Variants in PRKG1 observed in about 807,000 individuals in gnomAD.
PRKG1 encodes cGMP-dependent protein kinase 1.
In PRKG1, 35 loss-of-function variants were observed where a neutral mutation model predicts 88.1. The observed-to-expected ratio is 0.40, with a 90% CI of 0.30 to 0.53. PRKG1 has a LOEUF of 0.53. Ranked by LOEUF, PRKG1 falls within the 20% of genes least tolerant of loss-of-function variation. The pLI is 0.59. For synonymous variants in PRKG1, 303 were observed against 292.5 expected (o/e 1.04, Z -0.37); for missense variants, 540 against 839.8 (o/e 0.64, Z 4.41).
At chr10:51,398,328 T>C (rs1463630605) in intron 2 of PRKG1, among the ~76,000 whole-genome samples, 1 of 152,148 alleles carries the variant, frequency 6.6e-6, no homozygotes, top group Non-Finnish European at 1.5e-5. Context: ...GTAGAGTTCG[T>C]GTTCCTGTGA....
At chr10:52,241,461 T>C (rs1840859592) in intron 9 of PRKG1, among the ~76,000 whole-genome samples, 1 of 152,188 alleles carries the variant, frequency 6.6e-6, no homozygotes, top group Admixed American at 6.5e-5. Context: ...TGGGGCTAGC[T>C]TCCTGATAAT....
At chr10:52,267,191 A>G (rs545504921) in intron 10 of PRKG1, among the ~76,000 whole-genome samples, 1 of 152,218 alleles carries the variant, frequency 6.6e-6, no homozygotes, top group South Asian at 2.1e-4. Context: ...TATTTTTATA[A>G]TAAAACCTAG....
intron 2 of PRKG1, among the ~76,000 whole-genome samples, chr10:51,193,812 T>A (rs984012458): frequency 6.6e-6 from 1 of 152,230 alleles, no homozygotes; most frequent in Admixed American, 6.6e-5. Flanking sequence ...CACCCACAAC[T>A]TTTCTCAGCC....
At chr10:51,393,046 C>T (rs1271055654) in intron 2 of PRKG1, among the ~76,000 whole-genome samples, 13 of 145,848 alleles carry the variant, frequency 8.9e-5, no homozygotes, top group Non-Finnish European at 1.8e-4. Flanking sequence ...GGCGGAGGGG[C>T]TCCTCACTTC....
chr10:51,451,788 T>C (rs1839445311), intron 2 of PRKG1, among the ~76,000 whole-genome samples: 1 of 151,906 alleles, frequency 6.6e-6, no homozygotes, highest in Admixed American at 6.6e-5. Flanking sequence ...TTAAAGATAA[T>C]TTGACGTTCT....
At chr10:52,079,256 C>A (rs995099050) in intron 7 of PRKG1, among the ~76,000 whole-genome samples, 8 of 152,122 alleles carry the variant, frequency 5.3e-5, no homozygotes, top group Non-Finnish European at 8.8e-5. Flanking sequence ...CAGATCTTTT[C>A]TTGACCTGTA....
intron 5 of PRKG1, among the ~76,000 whole-genome samples, chr10:51,960,518 CA>C (rs1220489572): frequency 6.6e-6 from 1 of 151,800 alleles, no homozygotes; most frequent in African/African-American, 2.4e-5. Context: ...CACCCCCCAC[CA>C]AAAATAACCG....
intron 2 of PRKG1, among the ~76,000 whole-genome samples, chr10:51,444,882 T>G (rs1839224488): frequency 6.6e-6 from 1 of 151,930 alleles, no homozygotes; most frequent in Admixed American, 6.6e-5. Context: ...TTGAGAAAGG[T>G]ATGATATTTT....
At chr10:51,488,149 T>G (rs1322143360) in intron 3 of PRKG1, among the ~76,000 whole-genome samples, 2 of 152,210 alleles carry the variant, frequency 1.3e-5, no homozygotes, top group East Asian at 1.9e-4. Context: ...GCTGACTGGG[T>G]GACTGTGAGT....
intron 1 of PRKG1, among the ~76,000 whole-genome samples, chr10:51,051,531 G>A (rs1034282408): frequency 9.9e-5 from 15 of 151,702 alleles, no homozygotes; most frequent in South Asian, 4.1e-4. Context: ...ATTTGTTTTC[G>A]TCATTCAGAA....
intron 2 of PRKG1, among the ~76,000 whole-genome samples, chr10:51,263,660 A>G (rs1839771040): frequency 6.6e-6 from 1 of 152,222 alleles, no homozygotes; most frequent in African/African-American, 2.4e-5. Context: ...TGTGCATGTA[A>G]CGTATATGAT....
chr10:51,418,004 G>A (rs561827370), intron 2 of PRKG1, among the ~76,000 whole-genome samples: 119 of 152,272 alleles, frequency 7.8e-4, no homozygotes, highest in African/African-American at 2.7e-3. Context: ...AAGCAGTTGT[G>A]TTTGCCTTTC....
At position 51,489,649 on chromosome 10, in the gene PRKG1, A is replaced by G. The variant is rs543175172; in HGVS notation, c.592+21813A>G. The stretch of plus-strand genomic sequence containing the variant: ...AATAGATTTTAAACAGGAAAATGAC[A>G]TGTGTTGGATTTGATATTTTTATAT... On this transcript the variant is annotated intron_variant, in intron 3 of 17. Coordinates refer to ENST00000373980, the MANE Select transcript of PRKG1 (RefSeq NM_006258.4). Among the ~76,000 whole-genome samples, 108 of 151,650 alleles carry G rather than the reference A, an allele frequency of 7.1e-4. 1 individual carries two copies. Among genetic ancestry groups the G allele is most frequent in the African/African-American group, 2.5e-3 (103 of 41,554 alleles).
intron 5 of PRKG1, among the ~76,000 whole-genome samples, chr10:52,025,860 G>A (rs954427838): frequency 1.7e-4 from 26 of 151,264 alleles, no homozygotes; most frequent in Non-Finnish European, 7.4e-5. Context: ...ATTTAGCTAA[G>A]TCAATCCTAA....
intron 2 of PRKG1, among the ~76,000 whole-genome samples, chr10:51,267,445 A>T (rs911820628): frequency 7.8e-4 from 119 of 152,302 alleles, no homozygotes; most frequent in African/African-American, 2.8e-3. Context: ...TACTATGTTA[A>T]ATATTTCTGC....
At chr10:52,258,793 TA>T (rs1841366380) in intron 10 of PRKG1, among the ~76,000 whole-genome samples, 2 of 152,068 alleles carry the variant, frequency 1.3e-5, no homozygotes, top group African/African-American at 4.8e-5. Flanking sequence ...TGTGTTAAAT[TA>T]AAAATTATGC....
In PRKG1 at chr10:52,062,629, G is replaced by A. The variant is rs767264312; in HGVS notation, c.933G>A (p.Gln311=). 5.7e-6 allele frequency: 9 copies of A among 1,588,170 alleles called. No homozygotes were observed. The highest frequency in any genetic ancestry group is 1.1e-5 in the South Asian group (1 of 87,914). The change falls in exon 7 of 18, where the codon CAG becomes CAA. Residue 311 remains glutamine (Q), a splice_region_variant and synonymous_variant. Coordinates refer to ENST00000373980, the MANE Select transcript of PRKG1 (RefSeq NM_006258.4). ...KGDWFGEKAL[Q]GEDVRTANVI... is the part of the protein sequence containing the mutation. ...ACTGGTTTGGAGAGAAAGCCTTGCA[G>A]GGGTAAGTAGATCATGTGTTATACA... is the stretch of plus-strand genomic sequence containing the variant.
intron 3 of PRKG1, among the ~76,000 whole-genome samples, chr10:51,573,063 A>G (rs917273148): frequency 6.6e-5 from 10 of 151,860 alleles, no homozygotes; most frequent in Non-Finnish European, 1.3e-4. Flanking sequence ...TGATTAAACT[A>G]CAATCTCTAA....
intron 3 of PRKG1, among the ~76,000 whole-genome samples, chr10:51,494,064 G>A (rs1327483396): frequency 3.3e-5 from 5 of 152,046 alleles, no homozygotes; most frequent in Admixed American, 3.3e-4. Context: ...TTTATTATTT[G>A]TTATTCTCTT....
Sources: allele counts gnomAD v4.1 joint callset (sites outside exome capture counted in the v4.1 genomes callset), GRCh38; gene constraint gnomAD v4.1.1; transcripts MANE v1.5; gene names NCBI Gene and HGNC (gene_info 2026-07-23, HGNC 2026-07-21).